Variants in AQP11 observed in about 807,000 individuals in gnomAD.
AQP11 encodes the protein aquaporin-11.
AQP11 carries 20 observed loss-of-function variants against 21.1 expected under a neutral mutation model. The observed-to-expected ratio is 0.95, with a 90% confidence interval of 0.67 to 1.38. The LOEUF (loss-of-function observed/expected upper bound fraction) is 1.38. Ranked by LOEUF, AQP11 falls within the 40% of genes most tolerant of loss-of-function variation. The pLI is 0.00. For synonymous variants in AQP11, 167 were observed against 150.1 expected (o/e 1.11, Z -0.82); for missense variants, 339 against 340.4 (o/e 1.00, Z 0.03).
At chr11:77,599,271 A>G (rs746969886) in intron 1 of AQP11, among the ~76,000 whole-genome samples, 10 of 151,780 alleles carry the variant, frequency 6.6e-5, no homozygotes, top group Non-Finnish European at 1.0e-4. Context: ...TTCTTTATTA[A>G]TTATTTTTTT....
chr11:77,591,553 G>C (rs1197808562), intron 1 of AQP11, among the ~76,000 whole-genome samples: 1 of 152,266 alleles, frequency 6.6e-6, no homozygotes, highest in Admixed American at 6.5e-5. Flanking sequence ...TCCTAAACAC[G>C]TACTTGACCT....
chr11:77,600,937 G>A (rs569493017), intron 1 of AQP11, among the ~76,000 whole-genome samples: 5 of 152,026 alleles, frequency 3.3e-5, no homozygotes, highest in African/African-American at 7.2e-5. Flanking sequence ...GTGTGAACCC[G>A]GGAGGTGGAG....
chr11:77,593,431 C>T (rs191175328), intron 1 of AQP11, among the ~76,000 whole-genome samples: 2,044 of 152,216 alleles, frequency 0.013, 44 homozygotes, highest in African/African-American at 0.048. Context: ...GTCAGGTGAT[C>T]GAGACTATCC....
Position 77,590,433 on chromosome 11 carries a change from C to A in AQP11, c.441C>A (p.His147Gln). Residue 147 changes from histidine (H) to glutamine (Q), a missense_variant, in exon 1 of 3, where the codon CAC (histidine) becomes CAA (glutamine). Coordinates refer to ENST00000313578, the MANE Select transcript of AQP11 (RefSeq NM_173039.3). The stretch of plus-strand genomic sequence containing the variant: ...GGAGCTTGGGTCTGACCCAGTATCA[C>A]GTCAGCGAGAGGAGCTTCGCTTGCA... ...ALWSLGLTQY[H>Q]VSERSFACKN... 1 of 1,614,100 alleles carries A rather than the reference C, an allele frequency of 6.2e-7. No individual in the cohort carries two copies. The highest frequency in any genetic ancestry group is 8.5e-7 in the Non-Finnish European group (1 of 1,180,032).
intron 1 of AQP11, among the ~76,000 whole-genome samples, chr11:77,601,619 G>C (rs1195247885): frequency 6.6e-6 from 1 of 152,116 alleles, no homozygotes; most frequent in Non-Finnish European, 1.5e-5. Context: ...CAAGGTGTTA[G>C]GATTACAGGC....
At chr11:77,607,992 C>T (rs2135752685) in intron 2 of AQP11, among the ~76,000 whole-genome samples, 1 of 151,100 alleles carries the variant, frequency 6.6e-6, no homozygotes, top group African/African-American at 2.4e-5. Flanking sequence ...CCTTTGGTTG[C>T]CAACAGACTA....
intron 1 of AQP11, among the ~76,000 whole-genome samples, chr11:77,597,000 C>T (rs1431793058): frequency 2.0e-5 from 3 of 152,118 alleles, no homozygotes; most frequent in Middle Eastern, 3.4e-3. Flanking sequence ...CTGCCATACA[C>T]GAAGTACTTG....
In AQP11 at chr11:77,601,007, G is replaced by A. The variant is rs555837115; in HGVS notation, c.620-2549G>A. 2.9e-3 allele frequency among the ~76,000 whole-genome samples: 427 copies of A among 144,974 alleles called. 2 individuals carry two copies. Among genetic ancestry groups the A allele is most frequent in the African/African-American group, 4.0e-3 (155 of 38,766 alleles). ...AGCCTGGGCGACAGAGCGAGACTCC[G>A]TCTCAAAAAAAAAAAAAAAAAATCT... On this transcript the variant is annotated intron_variant, in intron 1 of 2. Transcript: ENST00000313578.
In AQP11 at chr11:77,609,414, C is replaced by T. The variant is rs1958865071; in HGVS notation, c.*37C>T. On this transcript the variant is annotated 3_prime_UTR_variant, in exon 3 of 3. Coordinates refer to ENST00000313578, the MANE Select transcript of AQP11 (RefSeq NM_173039.3). ...ACTCAGACTAACATACAGGACAGTC[C>T]AGCTGGATGTGATAAAGATTTTATC... 6.7e-7 allele frequency: 1 copy of T among 1,493,170 alleles called. No individual in the cohort carries two copies. The highest frequency in any genetic ancestry group is 2.3e-5 in the East Asian group (1 of 43,748). The allele number at this position is 1,493,170 out of a possible 1,614,324, so 92.5% of individuals were successfully genotyped here.
At position 77,596,546 on chromosome 11, in the gene AQP11, A is replaced by G. The variant is rs1465813638; in HGVS notation, c.619+5935A>G. Among the ~76,000 whole-genome samples, 580 of 123,464 alleles carry G rather than the reference A, an allele frequency of 4.7e-3. 7 individuals carry two copies. The highest frequency in any genetic ancestry group is 0.016 in the African/African-American group (486 of 30,176). 81.0% of individuals were successfully genotyped at this position (123,464 alleles called of 152,430 possible). A position where few individuals can be genotyped will look rare whatever the true frequency, so the allele number is the denominator to read the frequency against. On this transcript the variant is annotated intron_variant, in intron 1 of 2. Coordinates refer to ENST00000313578, the MANE Select transcript of AQP11 (RefSeq NM_173039.3). Reference sequence around the variant, plus strand: ...TGTAAATATATATGTAAATATATATATATATATATATATATATGTATGTAA... The same window carrying G: ...TGTAAATATATATGTAAATATATATGTATATATATATATATATGTATGTAA...
chr11:77,590,793 T>G, intron 1 of AQP11, 182 bp downstream of exon 1: 2 of 985,326 alleles, frequency 2.0e-6, no homozygotes, highest in Non-Finnish European at 2.4e-6. Flanking sequence ...AGAGCCTTCA[T>G]GCAGTGCTGC....
intron 1 of AQP11, among the ~76,000 whole-genome samples, chr11:77,593,108 A>C (rs1181069563): frequency 6.6e-6 from 1 of 152,230 alleles, no homozygotes; most frequent in African/African-American, 2.4e-5. Context: ...TCAGTTGTCA[A>C]ATTGTGCTGT....
At position 77,590,179 on chromosome 11, in the gene AQP11, G is replaced by T. The variant is rs760893504; in HGVS notation, c.187G>T (p.Glu63Ter). The T allele has an allele frequency of 1.2e-6, 2 of 1,602,868 alleles. No homozygotes were observed. The highest frequency in any genetic ancestry group is 2.2e-5 in the South Asian group (2 of 89,424). ...CTTCCAGCTCTGCTGCTGCACCCAC[G>T]AGCTGCAACTGCTGAGCGAACAGCA... ...ATFQLCCCTH[E>*]LQLLSEQHPA... Residue 63 changes from glutamate to a stop codon, truncating the protein, a stop_gained, in exon 1 of 3, where the codon GAG (glutamate) becomes TAG (stop). Transcript: ENST00000313578. LOFTEE classifies it high-confidence loss of function.
At position 77,590,238 on chromosome 11, in the gene AQP11, C is replaced by CTACTTCTT. The variant is rs781601868; in HGVS notation, c.247_254dup (p.Ser86ThrfsTer9). ...ACCCCACCTGGACGCTGACGCTCGT[C>CTACTTCTT]TACTTCTTCTCGCTTGTGCATGGCC... On this transcript the variant is annotated frameshift_variant, in exon 1 of 3. Transcript: ENST00000313578. LOFTEE classifies it high-confidence loss of function. The CTACTTCTT allele has an allele frequency of 6.9e-6, 11 of 1,596,962 alleles. No individual in the cohort carries two copies. In the South Asian group the frequency reaches 1.2e-4, roughly 18 times the overall value.
intron 2 of AQP11, among the ~76,000 whole-genome samples, chr11:77,605,670 A>T (rs1958841708): frequency 6.6e-6 from 1 of 152,134 alleles, no homozygotes; most frequent in South Asian, 2.1e-4. Flanking sequence ...TCCATGGAAA[A>T]ACTGTCTTCC....
At chr11:77,599,564 G>A (rs1400825323) in intron 1 of AQP11, among the ~76,000 whole-genome samples, 9 of 148,582 alleles carry the variant, frequency 6.1e-5, no homozygotes, top group Admixed American at 3.4e-4. Flanking sequence ...GATTATAGGC[G>A]TGAGGCACCA....
At chr11:77,600,026 C>G (rs1958806471) in intron 1 of AQP11, among the ~76,000 whole-genome samples, 1 of 151,938 alleles carries the variant, frequency 6.6e-6, no homozygotes, top group Non-Finnish European at 1.5e-5. Context: ...GTGGCGTGAT[C>G]TTGGCTCACT....
chr11:77,598,611 C>T (rs1485590564), intron 1 of AQP11, among the ~76,000 whole-genome samples: 1 of 152,228 alleles, frequency 6.6e-6, no homozygotes, highest in Non-Finnish European at 1.5e-5. Context: ...TCCTCCATGC[C>T]TCCATGCCTG....
At chr11:77,595,957 A>G (rs1958776127) in intron 1 of AQP11, among the ~76,000 whole-genome samples, 1 of 152,130 alleles carries the variant, frequency 6.6e-6, no homozygotes, top group Non-Finnish European at 1.5e-5. Context: ...AGTGTCAAAA[A>G]AAAAAGAGAG....
Sources: gnomAD v4.1 joint callset for allele counts (sites outside exome capture counted in the v4.1 genomes callset) on GRCh38, gnomAD v4.1.1 for gene constraint, MANE v1.5 for transcripts, NCBI Gene and HGNC (gene_info 2026-07-23, HGNC 2026-07-21) for gene names.